Variants in EXTL3 observed in about 807,000 individuals in gnomAD.
The protein encoded by EXTL3 is exostosin like glycosyltransferase 3.
In EXTL3, 27 loss-of-function variants were observed where a neutral mutation model predicts 69.3. The observed-to-expected ratio is 0.39, with a 90% confidence interval of 0.29 to 0.54. The LOEUF (loss-of-function observed/expected upper bound fraction) is 0.54. EXTL3 is among the 20% of genes least tolerant of loss of function. EXTL3 has a pLI of 0.69. For synonymous variants in EXTL3, 511 were observed against 499.4 expected, an observed-to-expected ratio of 1.02 and a Z score of -0.31; for missense variants, 1,003 against 1,231.8, an observed-to-expected ratio of 0.81 and a Z score of 2.78.
intron 1 of EXTL3, among the ~76,000 whole-genome samples, chr8:28,659,461 T>C (rs1807069113): frequency 6.6e-6 from 1 of 152,210 alleles, no homozygotes; most frequent in South Asian, 2.1e-4. Context: ...TGATTAGAGT[T>C]CAGTTGAACT....
intron 1 of EXTL3, among the ~76,000 whole-genome samples, chr8:28,641,521 G>C (rs1031699577): frequency 6.6e-6 from 1 of 152,202 alleles, no homozygotes; most frequent in Non-Finnish European, 1.5e-5. Context: ...CTTTCCTCCA[G>C]GCTGGAGTGC....
At chr8:28,734,435 G>A (rs1299270223) in intron 4 of EXTL3, among the ~76,000 whole-genome samples, 2 of 152,174 alleles carry the variant, frequency 1.3e-5, no homozygotes, top group Admixed American at 6.5e-5. Flanking sequence ...CTGGAGGCCG[G>A]GTGTAGTGGC....
intron 3 of EXTL3, among the ~76,000 whole-genome samples, chr8:28,729,601 A>AC (rs1801492612): frequency 6.8e-6 from 1 of 146,560 alleles, no homozygotes; most frequent in Non-Finnish European, 1.5e-5. Context: ...ATCTCAAAAA[A>AC]AAAAAAAAAA....
intron 5 of EXTL3, among the ~76,000 whole-genome samples, chr8:28,738,857 A>C (rs1480613407): frequency 6.6e-6 from 1 of 152,100 alleles, no homozygotes. Flanking sequence ...CAGCCTTTTC[A>C]TCGTGCCCTG....
intron 5 of EXTL3, among the ~76,000 whole-genome samples, chr8:28,738,994 T>C (rs1353557632): frequency 2.0e-5 from 3 of 152,186 alleles, no homozygotes; most frequent in Non-Finnish European, 1.5e-5. Context: ...AATGGTGAAG[T>C]GTCCCGGGGT....
At chr8:28,617,238 T>TGG (rs1007245237) in intron 2 of EXTL3, among the ~76,000 whole-genome samples, 2 of 152,080 alleles carry the variant, frequency 1.3e-5, no homozygotes, top group African/African-American at 4.8e-5. Context: ...AGAAAGAAGA[T>TGG]GGGGCAGCTT....
At chr8:28,662,497 A>C (rs1333796150) in intron 1 of EXTL3, among the ~76,000 whole-genome samples, 1 of 152,188 alleles carries the variant, frequency 6.6e-6, no homozygotes, top group African/African-American at 2.4e-5. Flanking sequence ...TTAAGTTAGA[A>C]ATATCTTCCT....
chr8:28,724,068 A>G (rs1801356951), intron 3 of EXTL3, among the ~76,000 whole-genome samples: 1 of 152,126 alleles, frequency 6.6e-6, no homozygotes. Context: ...AAAATGTATA[A>G]AAATTAAAAT....
At chr8:28,693,931 T>G (rs1030331066) in intron 1 of EXTL3, among the ~76,000 whole-genome samples, 5 of 152,262 alleles carry the variant, frequency 3.3e-5, no homozygotes, top group African/African-American at 1.2e-4. Flanking sequence ...CACTTTCTTT[T>G]AAAATCAAAG....
At chr8:28,711,670 C>G (rs572736509) in intron 1 of EXTL3, among the ~76,000 whole-genome samples, 103 of 152,304 alleles carry the variant, frequency 6.8e-4, no homozygotes, top group African/African-American at 2.4e-3. Context: ...CTGAAGTTCT[C>G]TCTCTGTAGT....
At chr8:28,660,061 T>C (rs1585236257) in intron 1 of EXTL3, among the ~76,000 whole-genome samples, 1 of 152,178 alleles carries the variant, frequency 6.6e-6, no homozygotes, top group Admixed American at 6.5e-5. Context: ...ACACTCAACT[T>C]AGTTTAAAAA....
intron 1 of EXTL3, among the ~76,000 whole-genome samples, chr8:28,674,389 GA>G (rs1229545777): frequency 2.6e-5 from 4 of 152,118 alleles, no homozygotes; most frequent in Admixed American, 6.5e-5. Flanking sequence ...TGATACTTTC[GA>G]ACATTTTGGA....
intron 1 of EXTL3, among the ~76,000 whole-genome samples, chr8:28,686,959 ACT>A (rs1191547510): frequency 6.6e-6 from 1 of 152,042 alleles, no homozygotes; most frequent in African/African-American, 2.4e-5. Flanking sequence ...GGCCCATGTG[ACT>A]CTAAAGCCCA....
At chr8:28,700,610 G>T (rs892246359), upstream of EXTL3, 2 of 152,132 alleles carry the variant, frequency 1.3e-5, no homozygotes, top group Admixed American at 6.5e-5. Flanking sequence ...CTGTGTGTTT[G>T]GGGTTCCCTG....
At chr8:28,687,480 G>A (rs554122578) in intron 1 of EXTL3, among the ~76,000 whole-genome samples, 10 of 152,138 alleles carry the variant, frequency 6.6e-5, no homozygotes, top group South Asian at 6.2e-4. Flanking sequence ...AGGAAAAAAA[G>A]AAAATGATTA....
chr8:28,740,184 C>T (rs1359202811), intron 5 of EXTL3: 1 of 152,232 alleles, frequency 6.6e-6, no homozygotes, highest in Non-Finnish European at 1.5e-5. Flanking sequence ...CCTCTGAGGT[C>T]CTGTCTGGGG....
chr8:28,717,986 G>A lies in EXTL3; in HGVS notation c.1927G>A (p.Ala643Thr), dbSNP rs1174883594. ...TGGCTTTCGGCCTATTGGTGGTGGA[G>A]CTGGGGGTTCTGGCAAGGAATTTCA... ...GTGFRPIGGG[A>T]GGSGKEFQAA... Residue 643 changes from alanine (A) to threonine (T), a missense_variant, in exon 3 of 7, where the codon GCT becomes ACT. Around this residue, in one of 2 missense-constraint regions of EXTL3, gnomAD observed 261 missense variants for 416.4 expected, o/e 0.63. Coordinates refer to ENST00000220562, the MANE Select transcript of EXTL3 (RefSeq NM_001440.4). This position sits in a 1 kb window ranked among gnomAD's most constrained non-coding sequence, Gnocchi z 8.3. The A allele has an allele frequency of 6.2e-7, 1 of 1,614,194 alleles. No homozygotes were observed. The highest frequency in any genetic ancestry group is 1.1e-5 in the South Asian group (1 of 91,074).
intron 1 of EXTL3, among the ~76,000 whole-genome samples, chr8:28,674,766 C>T (rs1267304243): frequency 2.6e-5 from 4 of 152,130 alleles, no homozygotes; most frequent in Admixed American, 6.5e-5. Context: ...TCTGATGTCT[C>T]CTTTATCAGT....
intron 3 of EXTL3, among the ~76,000 whole-genome samples, chr8:28,726,045 T>C (rs1801405632): frequency 1.3e-5 from 2 of 150,004 alleles, no homozygotes; most frequent in African/African-American, 2.5e-5. Flanking sequence ...AGCCTCTGCC[T>C]CCCGGGCTCA....
Sources: gnomAD v4.1 joint callset for allele counts (sites outside exome capture counted in the v4.1 genomes callset) on GRCh38, gnomAD v4.1.1 for gene constraint, gnomAD v4.1.1 regional missense constraint, Gnocchi (gnomAD v3.1) non-coding constraint, MANE v1.5 for transcripts, NCBI Gene and HGNC (gene_info 2026-07-23, HGNC 2026-07-21) for gene names.